Variants in CTNNA2 observed in about 807,000 individuals in gnomAD.
The protein encoded by CTNNA2 is catenin alpha-2.
Under a neutral mutation model 101.0 loss-of-function variants are expected in CTNNA2, and 42 were observed. The ratio of observed to expected loss-of-function variants is 0.42; its 90% CI spans 0.32 to 0.54. The LOEUF (loss-of-function observed/expected upper bound fraction) is 0.54. Ranked by LOEUF, CTNNA2 falls within the 20% of genes least tolerant of loss-of-function variation. The pLI, the probability that CTNNA2 is intolerant of heterozygous loss-of-function variation, is 0.14. For synonymous variants in CTNNA2, 450 were observed against 456.4 expected, an observed-to-expected ratio of 0.99 and a Z score of 0.18; for missense variants, 871 against 1,223.1, an observed-to-expected ratio of 0.71 and a Z score of 4.29.
chr2:80,192,659 T>C lies in CTNNA2; in HGVS notation c.1057-200552T>C, dbSNP rs1269972047. On this transcript the variant is annotated intron_variant, in intron 7 of 18. Coordinates refer to ENST00000402739, the MANE Select transcript of CTNNA2 (RefSeq NM_001282597.3). ...CTCCTGCCTCAGCCTCCCGAGTAGC[T>C]AGGGTTACGGCACTAGCCACATTTT... Among the ~76,000 whole-genome samples, 3 of 152,132 alleles carry C rather than the reference T, an allele frequency of 2.0e-5. No individual in the cohort carries two copies. The East Asian group carries it at 5.8e-4, about 29-fold the overall frequency.
chr2:80,264,503 A>T (rs1573545436), intron 7 of CTNNA2, among the ~76,000 whole-genome samples: 1 of 152,164 alleles, frequency 6.6e-6, no homozygotes, highest in South Asian at 2.1e-4. Context: ...TGACTGCATT[A>T]TTCATTGGTG....
intron 4 of CTNNA2, among the ~76,000 whole-genome samples, chr2:79,376,465 T>TTG (rs1482698401): frequency 2.0e-5 from 3 of 152,018 alleles, no homozygotes; most frequent in African/African-American, 7.2e-5. Context: ...TGTTTTTGTT[T>TTG]TTGTTTTTTT....
chr2:80,645,862 T>A (rs1558676487), intron 18 of CTNNA2, among the ~76,000 whole-genome samples: 2 of 152,180 alleles, frequency 1.3e-5, no homozygotes. Flanking sequence ...TCCATCCATT[T>A]GGTTGAGTTA....
intron 18 of CTNNA2, among the ~76,000 whole-genome samples, chr2:80,638,967 A>G (rs771737991): frequency 1.3e-5 from 2 of 152,170 alleles, no homozygotes. Flanking sequence ...GCCATTCCAT[A>G]CAGATTTCCT....
intron 4 of CTNNA2, 59 bp from the exon 5 acceptor site, chr2:79,869,757 A>G (rs1414894470): frequency 1.9e-6 from 3 of 1,569,788 alleles, no homozygotes; most frequent in Non-Finnish European, 1.7e-6. Context: ...CATTTCTAAC[A>G]TGTTGAATAA....
At chr2:80,107,517 C>G (rs532818109) in intron 7 of CTNNA2, among the ~76,000 whole-genome samples, 28 of 152,296 alleles carry the variant, frequency 1.8e-4, no homozygotes, top group Non-Finnish European at 3.4e-4. Context: ...CTCCTGCTCC[C>G]CTCTCTGCTG....
intron 7 of CTNNA2, among the ~76,000 whole-genome samples, chr2:80,246,934 A>G (rs973723434): frequency 1.8e-4 from 28 of 152,318 alleles, no homozygotes; most frequent in African/African-American, 5.5e-4. Flanking sequence ...TGGAAATACA[A>G]TTCCACTTAT....
chr2:80,548,609 T>A (rs1189006424), intron 11 of CTNNA2, among the ~76,000 whole-genome samples: 3 of 152,194 alleles, frequency 2.0e-5, no homozygotes, highest in Non-Finnish European at 4.4e-5. Flanking sequence ...TGCCACGGCA[T>A]GCCATGGCAG....
At chr2:79,819,079 A>G (rs1391795808) in intron 3 of CTNNA2, among the ~76,000 whole-genome samples, 3 of 151,200 alleles carry the variant, frequency 2.0e-5, no homozygotes, top group Admixed American at 2.0e-4. Flanking sequence ...TCCCAGGTTC[A>G]AGCGATTTTC....
intron 1 of CTNNA2, among the ~76,000 whole-genome samples, chr2:79,189,691 C>T (rs768489780): frequency 6.6e-6 from 1 of 152,142 alleles, no homozygotes; most frequent in Non-Finnish European, 1.5e-5. Context: ...AATCTTCTGA[C>T]AGTAGGAAAG....
intron 9 of CTNNA2, among the ~76,000 whole-genome samples, chr2:80,529,672 G>A (rs779418337): frequency 1.2e-4 from 19 of 152,104 alleles, no homozygotes; most frequent in Admixed American, 1.2e-3. Flanking sequence ...GTTAAATAAC[G>A]AAACAGCCAG....
chr2:80,007,781 A>T (rs1043038420), intron 7 of CTNNA2, among the ~76,000 whole-genome samples: 6 of 152,142 alleles, frequency 3.9e-5, no homozygotes, highest in Non-Finnish European at 7.3e-5. Context: ...TCACTAATGG[A>T]GTCCTAGAAG....
intron 3 of CTNNA2, among the ~76,000 whole-genome samples, chr2:79,840,959 C>T (rs1466102752): frequency 3.9e-5 from 6 of 152,096 alleles, no homozygotes; most frequent in African/African-American, 9.7e-5. Context: ...TTAGTAGAGA[C>T]GGGGTTTCAC....
chr2:79,192,832 CAA>C (rs1307122664), intron 1 of CTNNA2, among the ~76,000 whole-genome samples: 3 of 151,694 alleles, frequency 2.0e-5, no homozygotes, highest in Admixed American at 6.6e-5. Context: ...TTTCAATTTT[CAA>C]AAGAGTATTT....
chr2:80,040,178 A>G (rs547191382), intron 7 of CTNNA2, among the ~76,000 whole-genome samples: 4 of 152,320 alleles, frequency 2.6e-5, no homozygotes, highest in East Asian at 1.9e-4. Flanking sequence ...ACTGTCACAC[A>G]TTATATCATT....
intron 18 of CTNNA2, among the ~76,000 whole-genome samples, chr2:80,630,690 A>C (rs894883663): frequency 2.6e-5 from 4 of 152,154 alleles, no homozygotes; most frequent in African/African-American, 9.7e-5. Flanking sequence ...ATGGTGAGAG[A>C]ATGAGTAACT....
rs147352159 is a variant in CTNNA2 at position 79,971,215 on chromosome 2, G to A, written c.1056+61418G>A. Reference sequence around the variant, plus strand: ...GTTTCTTGTAAACTCAAAAGCAAATGTACAGACATAGTCAGCTATTTCCTC... The same window carrying A: ...GTTTCTTGTAAACTCAAAAGCAAATATACAGACATAGTCAGCTATTTCCTC... On this transcript the variant is annotated intron_variant, in intron 7 of 18. Coordinates refer to ENST00000402739, the MANE Select transcript of CTNNA2 (RefSeq NM_001282597.3). Among the ~76,000 whole-genome samples the A allele has an allele frequency of 3.9e-3, 591 of 152,204 alleles. 3 individuals carry two copies. Among genetic ancestry groups the A allele is most frequent in the African/African-American group, 0.014 (565 of 41,534 alleles).
Position 79,610,842 on chromosome 2 carries a change from T to G in CTNNA2, c.-5-40710T>G, listed in dbSNP as rs150203583. On this transcript the variant is annotated intron_variant, in intron 1 of 18. Transcript: ENST00000402739. The stretch of plus-strand genomic sequence containing the variant: ...AAATTATCAAATTGTACACCTTAAA[T>G]GTGTTCTTTTGTACTAGAATAAAGT... Among the ~76,000 whole-genome samples, 1,075 of 152,240 alleles carry G rather than the reference T, an allele frequency of 7.1e-3. 12 individuals carry two copies. The highest frequency in any genetic ancestry group is 0.024 in the African/African-American group (1,017 of 41,544).
chr2:80,212,679 C>CT (rs1311905409), intron 7 of CTNNA2, among the ~76,000 whole-genome samples: 1 of 152,086 alleles, frequency 6.6e-6, no homozygotes, highest in South Asian at 2.1e-4. Context: ...CTAAAATTCT[C>CT]TTTTTTTGTT....
Sources: gnomAD v4.1 joint callset for allele counts (sites outside exome capture counted in the v4.1 genomes callset) on GRCh38, gnomAD v4.1.1 for gene constraint, MANE v1.5 for transcripts, NCBI Gene and HGNC (gene_info 2026-07-23, HGNC 2026-07-21) for gene names.